Variants in ANKRD26 observed in about 807,000 individuals in gnomAD.
The protein encoded by ANKRD26 is ankyrin repeat domain 26.
A neutral mutation model predicts 208.7 loss-of-function variants in ANKRD26; 141 were observed. That is an observed-to-expected ratio of 0.68 (90% CI 0.59 to 0.78). The LOEUF is 0.78. Ranked by LOEUF, ANKRD26 falls within the 30% of genes least tolerant of loss-of-function variation. The probability of loss-of-function intolerance (pLI) is 0.00; values close to 1 mark genes in which losing one functional copy is unlikely to be tolerated. For synonymous variants in ANKRD26, 636 were observed against 660.4 expected, an observed-to-expected ratio of 0.96 and a Z score of 0.57; for missense variants, 1,889 against 1,938.7, an observed-to-expected ratio of 0.97 and a Z score of 0.48.
At chr10:27,075,044 A>G (rs1564416020) in intron 9 of ANKRD26, among the ~76,000 whole-genome samples, 1 of 152,200 alleles carries the variant, frequency 6.6e-6, no homozygotes, top group African/African-American at 2.4e-5. Flanking sequence ...ATGCTGAGGG[A>G]ATCTGTCAAT....
chr10:27,036,750 T>A (rs1431740184), intron 23 of ANKRD26, among the ~76,000 whole-genome samples: 1 of 152,146 alleles, frequency 6.6e-6, no homozygotes, highest in East Asian at 1.9e-4. Flanking sequence ...GTGAGAAGAA[T>A]AACATCCAAA....
intron 4 of ANKRD26, among the ~76,000 whole-genome samples, chr10:27,091,089 G>A (rs2056284826): frequency 6.8e-6 from 1 of 147,688 alleles, no homozygotes; most frequent in Non-Finnish European, 1.5e-5. Flanking sequence ...GCCAGACCCT[G>A]TCTCAAATAA....
intron 12 of ANKRD26, chr10:27,062,148 T>C (rs2055079688): frequency 4.1e-6 from 4 of 985,212 alleles, no homozygotes; most frequent in Non-Finnish European, 4.8e-6. Flanking sequence ...TGGTCTTGAT[T>C]CTTCCCATTC....
At chr10:27,028,540 C>T (rs552681291) in intron 27 of ANKRD26, among the ~76,000 whole-genome samples, 13 of 140,358 alleles carry the variant, frequency 9.3e-5, no homozygotes, top group South Asian at 2.3e-4. Flanking sequence ...GAGCTGAGAT[C>T]GCACCACTGC....
chr10:27,035,805 T>C (rs2054024145), intron 23 of ANKRD26, 53 bp from the exon 24 acceptor site: 1 of 1,219,530 alleles, frequency 8.2e-7, no homozygotes, highest in South Asian at 1.2e-5. Context: ...TGACAGATCA[T>C]GATTTCCTCT....
intron 9 of ANKRD26, among the ~76,000 whole-genome samples, chr10:27,068,097 G>A (rs2055333024): frequency 6.6e-6 from 1 of 152,194 alleles, no homozygotes; most frequent in Admixed American, 6.5e-5. Flanking sequence ...TAGACCCAGT[G>A]CAGTGATATG....
At chr10:26,999,474 C>G (rs1230231440), downstream of ANKRD26, among the ~76,000 whole-genome samples, 2 of 152,146 alleles carry the variant, frequency 1.3e-5, no homozygotes, top group African/African-American at 4.8e-5. Flanking sequence ...GGCAATTACT[C>G]TCTGAACTGG....
At chr10:27,099,144 C>T (rs1214157410) in intron 1 of ANKRD26, among the ~76,000 whole-genome samples, 1 of 152,142 alleles carries the variant, frequency 6.6e-6, no homozygotes, top group East Asian at 1.9e-4. Context: ...GCTCCCACCA[C>T]CATGCCTAGC....
At chr10:26,996,813 A>G (rs920508612) in intron 4 of ANKRD26, among the ~76,000 whole-genome samples, 1 of 152,190 alleles carries the variant, frequency 6.6e-6, no homozygotes, top group African/African-American at 2.4e-5. Flanking sequence ...CTGGGGTTAC[A>G]GGAAAACTGG....
rs762872530 is a variant in ANKRD26, at chr10:27,044,143, A to T, written c.2019+14T>A. On this transcript the variant is annotated intron_variant, in intron 19 of 33. Coordinates refer to ENST00000376087, the MANE Select transcript of ANKRD26 (RefSeq NM_014915.3). ...TTTTAAACAATAATTTTGATAATTT[A>T]TTTTTTACAGTACCTTGTTCTTTTC... The T allele has an allele frequency of 1.5e-6, 2 of 1,373,550 alleles. No homozygotes were observed. Among genetic ancestry groups the T allele is most frequent in the South Asian group, 1.3e-5 (1 of 77,102 alleles). The allele number at this position is 1,373,550 out of a possible 1,614,324, so 85.1% of individuals were successfully genotyped here. A position where few individuals can be genotyped will look rare whatever the true frequency, so the allele number is the denominator to read the frequency against.
intron 27 of ANKRD26, among the ~76,000 whole-genome samples, 167 bp downstream of exon 27, chr10:27,028,685 G>A (rs1057367594): frequency 4.6e-5 from 7 of 151,112 alleles, no homozygotes; most frequent in Non-Finnish European, 1.0e-4. Context: ...CTTGGGTCCT[G>A]TCTCCAAGAT....
chr10:27,060,759 T>A (rs1018424422), intron 13 of ANKRD26, among the ~76,000 whole-genome samples: 1 of 152,210 alleles, frequency 6.6e-6, no homozygotes, highest in Non-Finnish European at 1.5e-5. Flanking sequence ...GCAGTTATGA[T>A]TTGAATGTAA....
chr10:26,947,956 C>T, the ANKRD26 span, among the ~76,000 whole-genome samples: 7 of 152,064 alleles, frequency 4.6e-5, no homozygotes, highest in Admixed American at 1.3e-4. Context: ...GCTGTTTGTT[C>T]GATATGAGAC....
chr10:27,047,795 G>A (rs1349083000), intron 17 of ANKRD26, among the ~76,000 whole-genome samples: 1 of 151,290 alleles, frequency 6.6e-6, no homozygotes, highest in African/African-American at 2.4e-5. Flanking sequence ...CCAGTTTGGA[G>A]TGCAGTGGCA....
At chr10:26,964,457 G>A in the ANKRD26 span, among the ~76,000 whole-genome samples, 1 of 152,180 alleles carries the variant, frequency 6.6e-6, no homozygotes, top group South Asian at 2.1e-4. Context: ...TGCTCAACAT[G>A]ACATTAAACG....
At chr10:26,955,285 G>A in the ANKRD26 span, among the ~76,000 whole-genome samples, 2 of 151,900 alleles carry the variant, frequency 1.3e-5, no homozygotes, top group East Asian at 1.9e-4. Flanking sequence ...AAAATTAGCC[G>A]GTCGTGGTGG....
At chr10:27,064,414 T>C (rs1477030214) in intron 11 of ANKRD26, among the ~76,000 whole-genome samples, 1 of 152,182 alleles carries the variant, frequency 6.6e-6, no homozygotes, top group Non-Finnish European at 1.5e-5. Context: ...CTACTTTGTA[T>C]TCCCCACCAA....
intron 9 of ANKRD26, among the ~76,000 whole-genome samples, chr10:27,076,090 C>T (rs1465027489): frequency 6.6e-6 from 1 of 152,046 alleles, no homozygotes; most frequent in Non-Finnish European, 1.5e-5. Flanking sequence ...AAACCTCTTA[C>T]AGCAAATCAG....
At chr10:27,025,537 T>C (rs72805468) in intron 27 of ANKRD26, among the ~76,000 whole-genome samples, 12,410 of 152,208 alleles carry the variant, frequency 0.082, 715 homozygotes, top group East Asian at 0.28. Context: ...TCTTCTTTTA[T>C]ACTAAAATCT....
Sources: gnomAD v4.1 joint callset for allele counts (sites outside exome capture counted in the v4.1 genomes callset) on GRCh38, gnomAD v4.1.1 for gene constraint, MANE v1.5 for transcripts, NCBI Gene and HGNC (gene_info 2026-07-23, HGNC 2026-07-21) for gene names.